Variants in AHCYL2 observed in about 807,000 individuals in gnomAD.
AHCYL2 encodes adenosylhomocysteinase like 2.
In AHCYL2, 28 loss-of-function variants were observed where a neutral mutation model predicts 81.4. That is an observed-to-expected ratio of 0.34 (90% CI 0.25 to 0.47). The LOEUF is 0.47. Ranked by LOEUF, AHCYL2 falls within the 20% of genes least tolerant of loss-of-function variation. AHCYL2 has a pLI of 1.00. For missense variants in AHCYL2, 551 were observed against 785.1 expected, an observed-to-expected ratio of 0.70 and a Z score of 3.56; for synonymous variants, 272 against 290.2, an observed-to-expected ratio of 0.94 and a Z score of 0.64.
intron 1 of AHCYL2, among the ~76,000 whole-genome samples, chr7:129,334,306 G>A (rs1191082483): frequency 6.6e-6 from 1 of 152,186 alleles, no homozygotes; most frequent in Non-Finnish European, 1.5e-5. Flanking sequence ...CCTTCATGCA[G>A]TCCTCTCTAT....
intron 1 of AHCYL2, among the ~76,000 whole-genome samples, 189 bp downstream of exon 1, chr7:129,225,628 C>T (rs1481142717): frequency 6.6e-6 from 1 of 152,034 alleles, no homozygotes; most frequent in Non-Finnish European, 1.5e-5. Flanking sequence ...AGCGGAGACT[C>T]CAGGAGGCAC....
chr7:129,243,430 T>G (rs182303111), intron 1 of AHCYL2, among the ~76,000 whole-genome samples: 8 of 152,298 alleles, frequency 5.3e-5, no homozygotes, highest in Admixed American at 5.2e-4. Context: ...GTTAAAAATT[T>G]TAATATAAAA....
intron 1 of AHCYL2, among the ~76,000 whole-genome samples, chr7:129,227,109 C>G (rs2694571): frequency 0.3 from 44,921 of 152,062 alleles, 6,631 homozygotes; most frequent in Middle Eastern, 0.42. Context: ...TTACACAAAT[C>G]AGTTTCCTCT....
chr7:129,368,321 A>G lies in AHCYL2; in HGVS notation c.364-11317A>G. 6.9e-7 allele frequency: 1 copy of G among 1,447,570 alleles called. No individual in the cohort carries two copies. Among genetic ancestry groups the G allele is most frequent in the Non-Finnish European group, 9.1e-7 (1 of 1,100,050 alleles). The allele number at this position is 1,447,570 out of a possible 1,614,324, so 89.7% of individuals were successfully genotyped here. A position where few individuals can be genotyped will look rare whatever the true frequency, so the allele number is the denominator to read the frequency against. On this transcript the variant is annotated intron_variant, in intron 1 of 16. Transcript: ENST00000325006. The surrounding 1 kb of genome is among the most constrained non-coding windows in gnomAD (Gnocchi z 4.4). ...TAAGGGGTTGTCAGGCAGTTGACTA[A>G]TGCTCTTGATTTGAATCGGAGGCTG...
chr7:129,289,619 A>AT (rs1476068011), intron 1 of AHCYL2, among the ~76,000 whole-genome samples: 1 of 152,096 alleles, frequency 6.6e-6, no homozygotes, highest in Non-Finnish European at 1.5e-5. Flanking sequence ...TTGTTTACCA[A>AT]TTTTCAGAAT....
At chr7:129,325,202 G>T (rs561418107) in intron 1 of AHCYL2, among the ~76,000 whole-genome samples, 2 of 151,884 alleles carry the variant, frequency 1.3e-5, no homozygotes, top group Non-Finnish European at 2.9e-5. Context: ...TTCTTGTACT[G>T]CAAGCCTGGT....
chr7:129,232,014 A>C (rs1794461777), intron 1 of AHCYL2, among the ~76,000 whole-genome samples: 1 of 152,008 alleles, frequency 6.6e-6, no homozygotes, highest in Non-Finnish European at 1.5e-5. Context: ...AACCTATATA[A>C]AGGAAGGGTA....
In AHCYL2 at chr7:129,268,389, C is replaced by G. The variant is rs200566992; in HGVS notation, c.363+42950C>G. On this transcript the variant is annotated intron_variant, in intron 1 of 16. Coordinates refer to ENST00000325006, the MANE Select transcript of AHCYL2 (RefSeq NM_015328.4). ...TTGAGACGGAGTCTTACTCTGTTGC[C>G]CAGGCTGGAGTGCAGTGGCATGATC... Among the ~76,000 whole-genome samples, 59 of 152,074 alleles carry G rather than the reference C, an allele frequency of 3.9e-4. 1 individual carries two copies. The East Asian group carries it at 9.3e-3, about 24-fold the overall frequency.
chr7:129,266,881 A>T (rs1335561812), intron 1 of AHCYL2, among the ~76,000 whole-genome samples: 1 of 152,202 alleles, frequency 6.6e-6, no homozygotes, highest in Non-Finnish European at 1.5e-5. Context: ...ATGACTAACC[A>T]TAGCAATATT....
At chr7:129,305,477 C>A (rs11766497) in intron 1 of AHCYL2, among the ~76,000 whole-genome samples, 5,312 of 150,088 alleles carry the variant, frequency 0.035, 100 homozygotes, top group Middle Eastern at 0.082. Context: ...AACAAACAAA[C>A]AAAAAAAAAC....
chr7:129,346,599 T>C (rs1793371492), intron 1 of AHCYL2, among the ~76,000 whole-genome samples: 1 of 152,168 alleles, frequency 6.6e-6, no homozygotes, highest in African/African-American at 2.4e-5. Context: ...ACTCATCTAT[T>C]AAAATGCCAA....
At chr7:129,280,853 G>A (rs1796413786) in intron 1 of AHCYL2, among the ~76,000 whole-genome samples, 1 of 151,322 alleles carries the variant, frequency 6.6e-6, no homozygotes. Flanking sequence ...TTAACATGGT[G>A]AGTTACATTG....
At chr7:129,311,581 C>A (rs1797660073) in intron 1 of AHCYL2, among the ~76,000 whole-genome samples, 1 of 151,960 alleles carries the variant, frequency 6.6e-6, no homozygotes. Context: ...CCACCCCCCA[C>A]CGCGCCAGCA....
intron 1 of AHCYL2, among the ~76,000 whole-genome samples, chr7:129,333,341 A>G (rs12706872): frequency 0.024 from 3,664 of 151,370 alleles, 75 homozygotes; most frequent in Admixed American, 0.056. Context: ...TTTTTTTTTA[A>G]GTTCCAAGGT....
chr7:129,228,790 C>A (rs1417252019), intron 1 of AHCYL2, among the ~76,000 whole-genome samples: 1 of 152,212 alleles, frequency 6.6e-6, no homozygotes, highest in Non-Finnish European at 1.5e-5. Flanking sequence ...TCAAACAGAC[C>A]CTTTATTGCT....
At chr7:129,367,586 T>A (rs1794170061) in intron 1 of AHCYL2, among the ~76,000 whole-genome samples, 1 of 152,182 alleles carries the variant, frequency 6.6e-6, no homozygotes, top group Non-Finnish European at 1.5e-5. Flanking sequence ...GTGTGTAAAA[T>A]CCAGCATTGG....
intron 1 of AHCYL2, among the ~76,000 whole-genome samples, chr7:129,285,376 T>C (rs73472312): frequency 0.24 from 37,092 of 152,104 alleles, 4,620 homozygotes; most frequent in South Asian, 0.37. Flanking sequence ...TAGAGATTCC[T>C]GATGGAGAAT....
chr7:129,414,467 C>T (rs1796749126), intron 12 of AHCYL2, among the ~76,000 whole-genome samples: 1 of 141,318 alleles, frequency 7.1e-6, no homozygotes, highest in African/African-American at 2.6e-5. Flanking sequence ...GTCGCCCAGG[C>T]TGGAGTGCAG....
At position 129,349,263 on chromosome 7, in the gene AHCYL2, T is replaced by G. The variant is rs544895051; in HGVS notation, c.364-30375T>G. On this transcript the variant is annotated intron_variant, in intron 1 of 16. Transcript: ENST00000325006. ...TGTCATAAACCAAGAAAAACCCTTA[T>G]GCTAAGAATAATCTTTAGGTAGAGA... Among the ~76,000 whole-genome samples, 4 of 152,026 alleles carry G rather than the reference T, an allele frequency of 2.6e-5. No homozygotes were observed. In the South Asian group the frequency reaches 8.3e-4, roughly 32 times the overall value.
Sources: gnomAD v4.1 joint callset for allele counts (sites outside exome capture counted in the v4.1 genomes callset) on GRCh38, gnomAD v4.1.1 for gene constraint, Gnocchi (gnomAD v3.1) non-coding constraint, MANE v1.5 for transcripts, NCBI Gene and HGNC (gene_info 2026-07-23, HGNC 2026-07-21) for gene names.